The following ZNF804B variants were observed in gnomAD, a reference collection of about 807,000 sequenced individuals.
The protein encoded by ZNF804B is zinc finger protein 804B, also known as zinc finger 804B.
In ZNF804B, 80 loss-of-function variants were observed where a neutral mutation model predicts 101.4. The ratio of observed to expected loss-of-function variants is 0.79; its 90% CI spans 0.66 to 0.95. ZNF804B has a LOEUF of 0.95. Ranked by LOEUF, ZNF804B falls within the 40% of genes least tolerant of loss-of-function variation. The pLI is 0.00. For missense variants in ZNF804B, 1,673 were observed against 1,561.9 expected (o/e 1.07, Z -1.20); for synonymous variants, 622 against 558.8 (o/e 1.11, Z -1.59).
chr7:89,262,923 A>G (rs1481392439), intron 2 of ZNF804B, among the ~76,000 whole-genome samples: 5 of 152,184 alleles, frequency 3.3e-5, no homozygotes, highest in African/African-American at 1.2e-4. Flanking sequence ...CAACACCTGT[A>G]AGTGTCTCTG....
rs555877504 is a variant in ZNF804B, at chr7:89,053,676, T to C, written c.109-164479T>C. ...CTTCCTCTTCTCTTTTCTTCCTTCC[T>C]TCATTTTTTCCTTCAATCGCTTTTC... On this transcript the variant is annotated intron_variant, in intron 1 of 3. Coordinates refer to ENST00000333190, the MANE Select transcript of ZNF804B (RefSeq NM_181646.5). Among the ~76,000 whole-genome samples, 8 of 152,162 alleles carry C rather than the reference T, an allele frequency of 5.3e-5. No homozygotes were observed. In the South Asian group the frequency reaches 1.7e-3, roughly 32 times the overall value.
chr7:88,828,452 G>A (rs1392700985), intron 1 of ZNF804B, among the ~76,000 whole-genome samples: 4 of 151,830 alleles, frequency 2.6e-5, no homozygotes, highest in African/African-American at 9.7e-5. Context: ...CCCTAGTGTT[G>A]TTTCCTCTGC....
chr7:88,912,355 A>G (rs140652958), intron 1 of ZNF804B, among the ~76,000 whole-genome samples: 1 of 152,012 alleles, frequency 6.6e-6, no homozygotes, highest in African/African-American at 2.4e-5. Flanking sequence ...ATTTTTTCTA[A>G]TCTATGGCAT....
intron 1 of ZNF804B, among the ~76,000 whole-genome samples, chr7:88,764,414 A>G (rs1042456321): frequency 6.6e-6 from 1 of 152,180 alleles, no homozygotes; most frequent in Non-Finnish European, 1.5e-5. Context: ...GATTGTCATC[A>G]AAGTGAAAAA....
At chr7:89,023,242 T>A (rs911955351) in intron 1 of ZNF804B, among the ~76,000 whole-genome samples, 3 of 152,310 alleles carry the variant, frequency 2.0e-5, no homozygotes, top group African/African-American at 7.2e-5. Flanking sequence ...TCCTCTATAG[T>A]GCTGACTTTT....
At chr7:89,226,786 C>T (rs1306866544) in intron 2 of ZNF804B, among the ~76,000 whole-genome samples, 1 of 152,056 alleles carries the variant, frequency 6.6e-6, no homozygotes, top group Non-Finnish European at 1.5e-5. Context: ...ACTATGATGA[C>T]TTTATGAGTA....
chr7:88,793,986 A>T, intron 1 of ZNF804B: 1 of 430,948 alleles, frequency 2.3e-6, no homozygotes, highest in Non-Finnish European at 4.1e-6. Context: ...AAAATAATGT[A>T]TTGAACTTAA....
rs891092655 is a variant in ZNF804B at position 88,902,794 on chromosome 7, G to A, written c.108+142710G>A. Among the ~76,000 whole-genome samples, 18 of 151,938 alleles carry A rather than the reference G, an allele frequency of 1.2e-4. 1 individual carries two copies. The highest frequency in any genetic ancestry group is 4.1e-4 in the South Asian group (2 of 4,824). On this transcript the variant is annotated intron_variant, in intron 1 of 3. Transcript: ENST00000333190. ...CTACATTATTTTAAAATATGGATAC[G>A]TATCTATTTTTGAGATTCAGTAAAA...
At chr7:89,194,882 G>T (rs537822817) in intron 1 of ZNF804B, among the ~76,000 whole-genome samples, 13,168 of 151,904 alleles carry the variant, frequency 0.087, 725 homozygotes, top group Middle Eastern at 0.15. Flanking sequence ...GGATGGCATT[G>T]AATCTATAAA....
Position 89,169,071 on chromosome 7 carries a change from C to T in ZNF804B, c.109-49084C>T, listed in dbSNP as rs564916828. On this transcript the variant is annotated intron_variant, in intron 1 of 3. Transcript: ENST00000333190. ...GTGTTCAGCTCAATCAGGACGAACC[C>T]GGGCACTTAGCCTTGCAGGAACAAT... 6.6e-5 allele frequency among the ~76,000 whole-genome samples: 10 copies of T among 152,230 alleles called. No homozygotes were observed. In the East Asian group the frequency reaches 7.8e-4, roughly 12 times the overall value.
chr7:88,912,602 A>C (rs1792566438), intron 1 of ZNF804B, among the ~76,000 whole-genome samples: 1 of 152,110 alleles, frequency 6.6e-6, no homozygotes. Context: ...ATAAAGGCCA[A>C]AGCATATTTA....
chr7:88,910,387 A>G (rs1186283673), intron 1 of ZNF804B, among the ~76,000 whole-genome samples: 4 of 151,948 alleles, frequency 2.6e-5, no homozygotes, highest in Admixed American at 1.3e-4. Flanking sequence ...TTGGAATGCC[A>G]TATTTCTAAT....
intron 1 of ZNF804B, among the ~76,000 whole-genome samples, chr7:88,766,633 C>A (rs1429669284): frequency 2.6e-5 from 4 of 152,212 alleles, no homozygotes; most frequent in Admixed American, 1.3e-4. Flanking sequence ...CTTCTCTGCT[C>A]ATCTCCTGTT....
At chr7:89,331,131 T>C (rs924082046) in intron 3 of ZNF804B, among the ~76,000 whole-genome samples, 9 of 151,694 alleles carry the variant, frequency 5.9e-5, no homozygotes, top group Non-Finnish European at 8.9e-5. Flanking sequence ...ATACAGGTGA[T>C]AATGTCAGAT....
chr7:89,028,648 C>CATA (rs1562864705), intron 1 of ZNF804B, among the ~76,000 whole-genome samples: 1 of 152,084 alleles, frequency 6.6e-6, no homozygotes, highest in African/African-American at 2.4e-5. Flanking sequence ...ATACAGTAAG[C>CATA]GTGCCATAAA....
At chr7:89,029,422 CAGA>C (rs1425078344) in intron 1 of ZNF804B, among the ~76,000 whole-genome samples, 2 of 152,088 alleles carry the variant, frequency 1.3e-5, no homozygotes, top group Non-Finnish European at 2.9e-5. Context: ...CTAATATTCA[CAGA>C]AGAAGAATAT....
rs1584095267 is a variant in ZNF804B, at chr7:89,271,292, G to T, written c.249+52997G>T. 3.9e-5 allele frequency among the ~76,000 whole-genome samples: 6 copies of T among 152,132 alleles called. 1 individual carries two copies. Among genetic ancestry groups the T allele is most frequent in the Admixed American group, 3.9e-4 (6 of 15,270 alleles). ...TTAGCATGAAGGGCTGTTGAATTTT[G>T]TCAAAGGCCTTTTCTGCATCTATTG... On this transcript the variant is annotated intron_variant, in intron 2 of 3. Coordinates refer to ENST00000333190, the MANE Select transcript of ZNF804B (RefSeq NM_181646.5).
intron 1 of ZNF804B, among the ~76,000 whole-genome samples, chr7:89,049,081 G>A (rs576766667): frequency 2.0e-5 from 3 of 150,576 alleles, no homozygotes; most frequent in Admixed American, 2.0e-4. Flanking sequence ...GTACAAAGTC[G>A]CTATTGTCTA....
chr7:88,856,618 C>G (rs1199262764), intron 1 of ZNF804B, among the ~76,000 whole-genome samples: 1 of 152,060 alleles, frequency 6.6e-6, no homozygotes, highest in Non-Finnish European at 1.5e-5. Flanking sequence ...TGCCTAATTG[C>G]CCTGGCTAGA....
Sources: allele counts gnomAD v4.1 joint callset (sites outside exome capture counted in the v4.1 genomes callset), GRCh38; gene constraint gnomAD v4.1.1; transcripts MANE v1.5; gene names NCBI Gene and HGNC (gene_info 2026-07-23, HGNC 2026-07-21).